NEO1: variants seen among roughly 807,000 people sequenced by gnomAD.
NEO1 encodes neogenin.
Under a neutral mutation model 159.7 loss-of-function variants are expected in NEO1, and 63 were observed. The observed-to-expected ratio is 0.39, with a 90% CI of 0.32 to 0.49. NEO1 has a LOEUF of 0.49. Among genes scored for constraint, NEO1 ranks in the 20% least tolerant of loss-of-function variants. The pLI is 0.85. For synonymous variants in NEO1, 633 were observed against 662.0 expected (o/e 0.96, Z 0.67); for missense variants, 1,615 against 1,831.0 (o/e 0.88, Z 2.15).
intron 7 of NEO1, among the ~76,000 whole-genome samples, chr15:73,226,022 A>G (rs1023045180): frequency 8.5e-5 from 13 of 152,126 alleles, no homozygotes; most frequent in Non-Finnish European, 1.8e-4. Flanking sequence ...ACTCAGCTCC[A>G]GGTAAGGTCG....
At chr15:73,074,898 T>C (rs2068697722) in intron 1 of NEO1, among the ~76,000 whole-genome samples, 1 of 152,212 alleles carries the variant, frequency 6.6e-6, no homozygotes. Flanking sequence ...ATTATGATCA[T>C]GAGAACATGT....
At chr15:73,201,812 T>C (rs977534194) in intron 7 of NEO1, among the ~76,000 whole-genome samples, 6 of 152,148 alleles carry the variant, frequency 3.9e-5, no homozygotes, top group Non-Finnish European at 8.8e-5. Context: ...CATTATGTAA[T>C]ACCTTCCTTT....
chr15:73,238,593 G>A (rs1444326092), intron 8 of NEO1, among the ~76,000 whole-genome samples: 1 of 151,578 alleles, frequency 6.6e-6, no homozygotes, highest in East Asian at 1.9e-4. Flanking sequence ...TATATTAGAA[G>A]AAAATATAGA....
chr15:73,053,145 A>G (rs1182966009), intron 1 of NEO1, among the ~76,000 whole-genome samples: 1 of 152,162 alleles, frequency 6.6e-6, no homozygotes, highest in African/African-American at 2.4e-5. Context: ...CACTAGCACC[A>G]GTAGAGGCCA....
chr15:73,094,606 C>G (rs189580809), intron 1 of NEO1, among the ~76,000 whole-genome samples: 4 of 152,076 alleles, frequency 2.6e-5, no homozygotes, highest in African/African-American at 9.7e-5. Context: ...GATTGGTATA[C>G]GTTTTAAGTT....
At chr15:73,202,294 G>A (rs1430689117) in intron 7 of NEO1, among the ~76,000 whole-genome samples, 1 of 152,100 alleles carries the variant, frequency 6.6e-6, no homozygotes, top group East Asian at 1.9e-4. Flanking sequence ...TTTTAGTCAT[G>A]TGGCTTTTTA....
At chr15:73,061,577 C>T (rs1329614857) in intron 1 of NEO1, among the ~76,000 whole-genome samples, 1 of 152,154 alleles carries the variant, frequency 6.6e-6, no homozygotes, top group African/African-American at 2.4e-5. Flanking sequence ...GTTACTAAAC[C>T]TGATTGCTAA....
At chr15:73,058,382 G>A (rs939234778) in intron 1 of NEO1, among the ~76,000 whole-genome samples, 1 of 152,200 alleles carries the variant, frequency 6.6e-6, no homozygotes, top group Non-Finnish European at 1.5e-5. Context: ...ATGTGCAAGA[G>A]TTGGCATTGG....
At chr15:73,126,636 G>A in intron 4 of NEO1, 66 bp downstream of exon 4, 1 of 1,438,388 alleles carries the variant, frequency 7.0e-7, no homozygotes, top group South Asian at 1.4e-5. Flanking sequence ...TCCCATTTGG[G>A]ACTATTGACT....
At chr15:73,084,486 T>G (rs1595935816) in intron 1 of NEO1, among the ~76,000 whole-genome samples, 1 of 152,354 alleles carries the variant, frequency 6.6e-6, no homozygotes, top group African/African-American at 2.4e-5. Flanking sequence ...TTTCCTCCTT[T>G]TTAAAGGCTG....
chr15:73,196,409 G>C (rs2036534671), intron 7 of NEO1, among the ~76,000 whole-genome samples: 1 of 152,212 alleles, frequency 6.6e-6, no homozygotes, highest in Non-Finnish European at 1.5e-5. Flanking sequence ...AAACTCCCCA[G>C]TAGTGTGTTC....
chr15:73,068,229 C>CCT lies in NEO1; in HGVS notation c.130+15425_130+15426insTC, dbSNP rs1440767432. On this transcript the variant is annotated intron_variant, in intron 1 of 28. Coordinates refer to ENST00000261908, the MANE Select transcript of NEO1 (RefSeq NM_002499.4). ...TTTTTGTTTTTGTCCCCCTACCCCC[C>CCT]CCCCTTTTTTTTTGAGACAGTGTCT... 9.4e-4 allele frequency among the ~76,000 whole-genome samples: 106 copies of CCT among 113,056 alleles called. 1 individual carries two copies. The highest frequency in any genetic ancestry group is 2.8e-3 in the African/African-American group (102 of 36,154). 74.2% of individuals were successfully genotyped at this position (113,056 alleles called of 152,430 possible).
intron 22 of NEO1, 119 bp from the exon 23 acceptor site, chr15:73,282,845 A>G: frequency 8.2e-7 from 1 of 1,224,406 alleles, no homozygotes; most frequent in East Asian, 2.3e-5. Flanking sequence ...CTTTTATATA[A>G]GTCAGAGCAA....
chr15:73,140,348 G>A (rs1314266748), intron 5 of NEO1, among the ~76,000 whole-genome samples: 1 of 152,040 alleles, frequency 6.6e-6, no homozygotes, highest in African/African-American at 2.4e-5. Context: ...TTGAGGCCAG[G>A]ATTTGAAGAC....
chr15:73,266,799 C>T (rs2040922115), intron 16 of NEO1, among the ~76,000 whole-genome samples: 1 of 152,096 alleles, frequency 6.6e-6, no homozygotes, highest in South Asian at 2.1e-4. Context: ...TTCGTGAACC[C>T]AACATCATTT....
At chr15:73,218,965 C>T (rs1181932269) in intron 7 of NEO1, among the ~76,000 whole-genome samples, 6 of 152,006 alleles carry the variant, frequency 3.9e-5, no homozygotes, top group African/African-American at 1.5e-4. Context: ...CTTCTGCTAG[C>T]TTTTGAATGT....
intron 1 of NEO1, among the ~76,000 whole-genome samples, chr15:73,078,559 C>G (rs903311540): frequency 3.3e-5 from 5 of 152,326 alleles, no homozygotes; most frequent in Admixed American, 2.0e-4. Flanking sequence ...AATAAGAGGT[C>G]TAACACACAG....
intron 1 of NEO1, among the ~76,000 whole-genome samples, chr15:73,095,686 T>G (rs2069984353): frequency 7.0e-6 from 1 of 142,746 alleles, no homozygotes; most frequent in Admixed American, 7.1e-5. Flanking sequence ...TTTTTTTTTT[T>G]GAGATTAAAG....
At chr15:73,089,620 CCTTAA>C (rs1423545477) in intron 1 of NEO1, among the ~76,000 whole-genome samples, 32 of 148,240 alleles carry the variant, frequency 2.2e-4, no homozygotes, top group Non-Finnish European at 2.4e-4. Flanking sequence ...TTTTTTTGCT[CCTTAA>C]CTTGGTCAAC....
Sources: allele counts gnomAD v4.1 joint callset (sites outside exome capture counted in the v4.1 genomes callset), GRCh38; gene constraint gnomAD v4.1.1; transcripts MANE v1.5; gene names NCBI Gene and HGNC (gene_info 2026-07-23, HGNC 2026-07-21).